The following PPP2R2D variants were observed in gnomAD, a reference collection of about 807,000 sequenced individuals.
PPP2R2D encodes the protein serine/threonine-protein phosphatase 2A 55 kDa regulatory subunit B delta isoform.
PPP2R2D carries 9 observed loss-of-function variants against 31.1 expected under a neutral mutation model. The ratio of observed to expected loss-of-function variants is 0.29; its 90% CI spans 0.17 to 0.51. PPP2R2D has a LOEUF of 0.51. PPP2R2D is among the 20% of genes least tolerant of loss of function. PPP2R2D has a pLI of 0.98. For missense variants in PPP2R2D, 391 were observed against 465.6 expected, an observed-to-expected ratio of 0.84 and a Z score of 1.48; for synonymous variants, 179 against 172.6, an observed-to-expected ratio of 1.04 and a Z score of -0.29.
chr10:131,918,894 C>CG, intron 2 of PPP2R2D, among the ~76,000 whole-genome samples: 1 of 140,770 alleles, frequency 7.1e-6, no homozygotes, highest in East Asian at 2.3e-4. Flanking sequence ...AGGGACCTCA[C>CG]ATGGGTGGAA....
chr10:131,970,646 G>A, the PPP2R2D span: 26 of 1,613,986 alleles, frequency 1.6e-5, no homozygotes, highest in East Asian at 2.2e-4. This position sits in a 1 kb window ranked among gnomAD's most constrained non-coding sequence, Gnocchi z 4.1. Flanking sequence ...ACCCCAATCC[G>A]ATGGCCAGCA....
chr10:131,934,859 G>A (rs1403266704), intron 3 of PPP2R2D: 3 of 478,252 alleles, frequency 6.3e-6, no homozygotes, highest in Non-Finnish European at 4.1e-6. Flanking sequence ...AACTCACGCG[G>A]CTCTCTCTGA....
chr10:131,967,300 C>G, the PPP2R2D span: 1 of 152,208 alleles, frequency 6.6e-6, no homozygotes, highest in African/African-American at 2.4e-5. Context: ...TGCTGAAACT[C>G]CACTGATGTT....
At chr10:131,927,402 G>T (rs991100514) in intron 2 of PPP2R2D, among the ~76,000 whole-genome samples, 1 of 151,420 alleles carries the variant, frequency 6.6e-6, no homozygotes. Flanking sequence ...GAGAGGGCGG[G>T]TGCGCGGGTC....
chr10:131,945,310 A>G lies in PPP2R2D; in HGVS notation c.671A>G (p.Lys224Arg), dbSNP rs373216246. ...TDRSFNIVDIKPANMEELTEV... is the reference protein window; with the variant it reads ...TDRSFNIVDIRPANMEELTEV... ...GCACTCCCAGACATCGTGGACATCA[A>G]GCCTGCTAACATGGAGGAGCTGACC... Residue 224 changes from lysine to arginine, a missense_variant, in exon 7 of 9, where the codon AAG becomes AGG. By Grantham distance (26) the Lys-to-Arg change is conservative. Coordinates refer to ENST00000455566, the MANE Select transcript of PPP2R2D (RefSeq NM_018461.5). This position sits in a 1 kb window ranked among gnomAD's most constrained non-coding sequence, Gnocchi z 4.8. 7.4e-6 allele frequency: 12 copies of G among 1,613,794 alleles called. No homozygotes were observed. The African/African-American group carries it at 1.1e-4, about 14-fold the overall frequency.
intron 3 of PPP2R2D, among the ~76,000 whole-genome samples, chr10:131,938,524 C>G (rs1345071954): frequency 6.6e-6 from 1 of 152,210 alleles, no homozygotes; most frequent in African/African-American, 2.4e-5. Context: ...GTCCCCTCCC[C>G]ATTTCAGCCT....
chr10:131,932,922 A>G (rs1324498377), intron 2 of PPP2R2D, among the ~76,000 whole-genome samples: 1 of 152,200 alleles, frequency 6.6e-6, no homozygotes, highest in African/African-American at 2.4e-5. Context: ...CTCTTTTAAA[A>G]GACTCAGTCC....
At chr10:131,901,399 C>G in intron 2 of PPP2R2D, 69 bp downstream of exon 2, 1 of 345,792 alleles carries the variant, frequency 2.9e-6, no homozygotes, top group Non-Finnish European at 5.2e-6. Flanking sequence ...CGCGCGGCCT[C>G]CGGGCCCCAA....
At chr10:131,942,940 T>G (rs938736821) in intron 5 of PPP2R2D, among the ~76,000 whole-genome samples, 5 of 152,128 alleles carry the variant, frequency 3.3e-5, no homozygotes, top group Admixed American at 3.3e-4. Context: ...TACACACACT[T>G]TTCCAAGTTG....
chr10:131,926,670 C>A (rs782424619), intron 2 of PPP2R2D, among the ~76,000 whole-genome samples: 12 of 152,234 alleles, frequency 7.9e-5, no homozygotes, highest in Non-Finnish European at 1.5e-4. Context: ...GTACTAAATT[C>A]TTCTCAGAGA....
At chr10:131,963,042 G>C (rs1182303506), downstream of PPP2R2D, among the ~76,000 whole-genome samples, 3 of 152,190 alleles carry the variant, frequency 2.0e-5, no homozygotes, top group African/African-American at 7.2e-5. Flanking sequence ...GCGGACGCTT[G>C]TAATCCCGGC....
intron 4 of PPP2R2D, among the ~76,000 whole-genome samples, 152 bp from the exon 5 acceptor site, chr10:131,940,430 A>G (rs1302763200): frequency 6.6e-6 from 1 of 152,182 alleles, no homozygotes; most frequent in Non-Finnish European, 1.5e-5. Flanking sequence ...TTATTGTACA[A>G]AACACCTCCA....
chr10:131,919,241 A>G (rs187164983), intron 2 of PPP2R2D, among the ~76,000 whole-genome samples: 2 of 107,782 alleles, frequency 1.9e-5, no homozygotes, highest in African/African-American at 3.7e-5. Flanking sequence ...AGGCGGGTGG[A>G]ATGACAGTGT....
intron 3 of PPP2R2D, chr10:131,935,043 C>T (rs536501250): frequency 1.0e-4 from 45 of 446,144 alleles, no homozygotes; most frequent in African/African-American, 7.0e-4. Flanking sequence ...CCCTTGAAGG[C>T]TTCACCTGTC....
chr10:131,940,220 T>C (rs782540881), intron 4 of PPP2R2D, 24 bp downstream of exon 4: 2 of 649,172 alleles, frequency 3.1e-6, no homozygotes, highest in Middle Eastern at 2.6e-4. Flanking sequence ...TCTAAGTGGC[T>C]GTTTGATTTA....
intron 2 of PPP2R2D, among the ~76,000 whole-genome samples, chr10:131,928,759 G>A (rs2036152813): frequency 6.6e-6 from 1 of 152,182 alleles, no homozygotes; most frequent in South Asian, 2.1e-4. Context: ...AAAACCTAGT[G>A]GGTTTTCAAA....
In PPP2R2D at chr10:131,959,105, G is replaced by A. The variant is rs2036876914; in HGVS notation, c.*3142G>A. ...TGTGCTGATCCGCCATCCCACTGTG[G>A]AGATGAAGGTGTGTGCTGATCCCCC... On this transcript the variant is annotated 3_prime_UTR_variant, in exon 9 of 9. Coordinates refer to ENST00000455566, the MANE Select transcript of PPP2R2D (RefSeq NM_018461.5). 1 of 114,058 alleles carries A rather than the reference G, an allele frequency of 8.8e-6. No individual in the cohort carries two copies. The highest frequency in any genetic ancestry group is 3.9e-5 in the African/African-American group (1 of 25,398). 7.1% of individuals were successfully genotyped at this position (114,058 alleles called of 1,614,324 possible). A position where few individuals can be genotyped will look rare whatever the true frequency, so the allele number is the denominator to read the frequency against.
chr10:131,901,716 C>T (rs2035500837), intron 2 of PPP2R2D, among the ~76,000 whole-genome samples: 1 of 152,182 alleles, frequency 6.6e-6, no homozygotes, highest in African/African-American at 2.4e-5. Context: ...GAGTCCATAT[C>T]GTGCGCTCGG....
chr10:131,951,262 G>T (rs1371084393), intron 8 of PPP2R2D, among the ~76,000 whole-genome samples: 1 of 152,226 alleles, frequency 6.6e-6, no homozygotes, highest in African/African-American at 2.4e-5. Context: ...GGAGCTTCTT[G>T]CATGTTCAGA....
Sources: gnomAD v4.1 joint callset for allele counts (sites outside exome capture counted in the v4.1 genomes callset) on GRCh38, gnomAD v4.1.1 for gene constraint, Gnocchi (gnomAD v3.1) non-coding constraint, MANE v1.5 for transcripts, NCBI Gene and HGNC (gene_info 2026-07-23, HGNC 2026-07-21) for gene names.